Variants in IQANK1 observed in about 807,000 individuals in gnomAD.
IQANK1 encodes the protein IQ motif and ankyrin repeat domain-containing protein 1.
IQANK1 carries 30 observed loss-of-function variants against 22.6 expected under a neutral mutation model. The ratio of observed to expected loss-of-function variants is 1.33; its 90% CI spans 0.99 to 1.80. IQANK1 has a LOEUF of 1.80. Among genes scored for constraint, IQANK1 ranks in the 40% most tolerant of loss-of-function variants. IQANK1 has a pLI of 0.00. For synonymous variants in IQANK1, 122 were observed against 99.6 expected, an observed-to-expected ratio of 1.23 and a Z score of -1.34; for missense variants, 275 against 235.2, an observed-to-expected ratio of 1.17 and a Z score of -1.11.
chr8:143,786,755 C>T (rs1262267628), intron 7 of IQANK1, among the ~76,000 whole-genome samples: 1 of 152,076 alleles, frequency 6.6e-6, no homozygotes, highest in Non-Finnish European at 1.5e-5. Context: ...AGAAAGGTGG[C>T]CAAGGTGGGG....
chr8:143,745,803 C>T (rs1463729064), intron 3 of IQANK1: 2 of 152,154 alleles, frequency 1.3e-5, no homozygotes, highest in Non-Finnish European at 2.9e-5. Context: ...GTGATCATGC[C>T]TCAGTGCAGC....
At chr8:143,784,256 G>A (rs889657350) in intron 7 of IQANK1, among the ~76,000 whole-genome samples, 1 of 152,040 alleles carries the variant, frequency 6.6e-6, no homozygotes, top group Non-Finnish European at 1.5e-5. Context: ...ATTGGATCAC[G>A]GGGGCTGATT....
chr8:143,778,388 A>G (rs1319005308), intron 7 of IQANK1, among the ~76,000 whole-genome samples: 1 of 152,252 alleles, frequency 6.6e-6, no homozygotes, highest in African/African-American at 2.4e-5. Context: ...ATTTCAGAAA[A>G]AAGTATGTTA....
chr8:143,745,579 T>C (rs6993999), intron 3 of IQANK1: 151,720 of 152,348 alleles, frequency 1, 75,549 homozygotes, highest in Middle Eastern at 1. Context: ...TGTGCCACCA[T>C]GCCCAGCTAA....
At chr8:143,779,534 A>G (rs1190525763) in intron 7 of IQANK1, among the ~76,000 whole-genome samples, 1 of 151,784 alleles carries the variant, frequency 6.6e-6, no homozygotes, top group Non-Finnish European at 1.5e-5. Context: ...AATTAATCTA[A>G]TCTTCATTCT....
intron 3 of IQANK1, among the ~76,000 whole-genome samples, chr8:143,764,342 C>T (rs1554629063): frequency 6.6e-6 from 1 of 151,752 alleles, no homozygotes; most frequent in Non-Finnish European, 1.5e-5. Context: ...AGACCAGGCG[C>T]AGTGGCTCCT....
chr8:143,767,797 A>C (rs1819504278), intron 3 of IQANK1, among the ~76,000 whole-genome samples: 1 of 150,280 alleles, frequency 6.7e-6, no homozygotes, highest in Non-Finnish European at 1.5e-5. Context: ...AGGCAGGAGA[A>C]TGGCGTGAAC....
At chr8:143,766,681 GA>G (rs375853326) in intron 3 of IQANK1, among the ~76,000 whole-genome samples, 8 of 147,638 alleles carry the variant, frequency 5.4e-5, no homozygotes, top group South Asian at 2.1e-4. Flanking sequence ...ACGAAAAAAA[GA>G]AAAAAAAAAG....
chr8:143,759,102 G>A (rs1219251492), intron 3 of IQANK1: 2 of 322,556 alleles, frequency 6.2e-6, no homozygotes, highest in East Asian at 9.5e-5. Flanking sequence ...ACTGATCTTC[G>A]ACTGCCATGA....
rs35665050 is a variant in IQANK1, at chr8:143,775,787, TACAC to T, written c.789+3338_789+3341del. Among the ~76,000 whole-genome samples, 835 of 129,454 alleles carry T rather than the reference TACAC, an allele frequency of 6.5e-3. 3 individuals carry two copies. The highest frequency in any genetic ancestry group is 0.011 in the Middle Eastern group (3 of 268). 84.9% of individuals were successfully genotyped at this position (129,454 alleles called of 152,430 possible). ...AAAAACAAAAAAACTATAGCTGTATTACACACACACACACACACACACACACACA... is the reference window on the plus strand; with the variant it reads ...AAAAACAAAAAAACTATAGCTGTATTACACACACACACACACACACACACA... On this transcript the variant is annotated intron_variant, in intron 7 of 13. Transcript: ENST00000527139.
intron 7 of IQANK1, among the ~76,000 whole-genome samples, chr8:143,781,707 G>A (rs1819800566): frequency 6.6e-6 from 1 of 152,050 alleles, no homozygotes; most frequent in Admixed American, 6.6e-5. Context: ...ATACTGTTTT[G>A]GTTACTGTAA....
At chr8:143,749,404 A>AT (rs1491092979) in intron 3 of IQANK1, among the ~76,000 whole-genome samples, 1 of 130,898 alleles carries the variant, frequency 7.6e-6, no homozygotes, top group Non-Finnish European at 1.5e-5. Flanking sequence ...ATTATATATC[A>AT]TATCATATAT....
intron 3 of IQANK1, among the ~76,000 whole-genome samples, chr8:143,751,654 G>GTATATA (rs1394995181): frequency 1.4e-4 from 5 of 37,016 alleles, no homozygotes; most frequent in African/African-American, 2.0e-4. Flanking sequence ...GTGTGTGTGT[G>GTATATA]TGTGTGTGTG....
intron 7 of IQANK1, among the ~76,000 whole-genome samples, chr8:143,787,871 G>A (rs1819924164): frequency 6.6e-6 from 1 of 151,888 alleles, no homozygotes; most frequent in African/African-American, 2.4e-5. Context: ...CATGGCCCGT[G>A]CCTGTCCACC....
In IQANK1 at chr8:143,774,652, A is replaced by G. The variant is rs1174352297; in HGVS notation, c.789+2170A>G. 1.3e-5 allele frequency among the ~76,000 whole-genome samples: 2 copies of G among 152,114 alleles called. No homozygotes were observed. The highest frequency in any genetic ancestry group is 2.9e-5 in the Non-Finnish European group (2 of 68,008). On this transcript the variant is annotated intron_variant, in intron 7 of 13. Transcript: ENST00000527139. This position sits in a 1 kb window ranked among gnomAD's most constrained non-coding sequence, Gnocchi z 4.2. ...GTAACACAGCATCAGACTCCTAGAC[A>G]TTTGCTCCAGTAAAAGGAAAACTAG...
rs1563770494 is a variant in IQANK1, at chr8:143,748,857, A to ATATATT, written c.175+8910_175+8911insATATTT. Among the ~76,000 whole-genome samples, 23 of 73,652 alleles carry ATATATT rather than the reference A, an allele frequency of 3.1e-4. No individual in the cohort carries two copies. In the East Asian group the frequency reaches 8.9e-3, roughly 28 times the overall value. The allele number at this position is 73,652 out of a possible 152,430, so 48.3% of individuals were successfully genotyped here. A position where few individuals can be genotyped will look rare whatever the true frequency, so the allele number is the denominator to read the frequency against. On this transcript the variant is annotated intron_variant, in intron 3 of 13. Coordinates refer to ENST00000527139, the MANE Select transcript of IQANK1 (RefSeq NM_001381874.1). ...CATATATAAATATATAAATATATAT[A>ATATATT]TCATATATAAATATATAAATATATA...
At chr8:143,764,141 G>A (rs1292486150) in intron 3 of IQANK1, among the ~76,000 whole-genome samples, 1 of 152,078 alleles carries the variant, frequency 6.6e-6, no homozygotes, top group Non-Finnish European at 1.5e-5. Context: ...TGGAGGGCCC[G>A]CCGGAAGGAC....
At chr8:143,741,041 A>G (rs942733282) in intron 3 of IQANK1, among the ~76,000 whole-genome samples, 1 of 152,142 alleles carries the variant, frequency 6.6e-6, no homozygotes, top group African/African-American at 2.4e-5. Flanking sequence ...GAAGGCCAGC[A>G]CCGAGGCTCT....
intron 10 of IQANK1, 102 bp downstream of exon 10, chr8:143,789,630 C>T: frequency 3.3e-6 from 4 of 1,221,494 alleles, no homozygotes; most frequent in South Asian, 8.3e-5. Flanking sequence ...GGGTTTTTCC[C>T]TCTCAAACAT....
Sources: allele counts gnomAD v4.1 joint callset (sites outside exome capture counted in the v4.1 genomes callset), GRCh38; gene constraint gnomAD v4.1.1; non-coding constraint Gnocchi (gnomAD v3.1); transcripts MANE v1.5; gene names NCBI Gene and HGNC (gene_info 2026-07-23, HGNC 2026-07-21).